POU6F2: variants seen among roughly 807,000 people sequenced by gnomAD.
POU6F2 encodes POU domain, class 6, transcription factor 2.
In POU6F2, 31 loss-of-function variants were observed where a neutral mutation model predicts 71.3. The ratio of observed to expected loss-of-function variants is 0.43; its 90% CI spans 0.33 to 0.59. POU6F2 has a LOEUF of 0.59. POU6F2 is among the 20% of genes least tolerant of loss of function. The probability of loss-of-function intolerance (pLI) is 0.04; values close to 1 mark genes in which losing one functional copy is unlikely to be tolerated. For missense variants in POU6F2, 783 were observed against 856.8 expected (o/e 0.91, Z 1.07); for synonymous variants, 347 against 355.7 (o/e 0.98, Z 0.27).
At chr7:39,280,916 CCAAA>C (rs1784551690) in intron 4 of POU6F2, among the ~76,000 whole-genome samples, 1 of 152,200 alleles carries the variant, frequency 6.6e-6, no homozygotes, top group African/African-American at 2.4e-5. Context: ...TAGCGAATTT[CCAAA>C]CAGTTATGAT....
intron 1 of POU6F2, among the ~76,000 whole-genome samples, chr7:38,982,206 T>TA (rs1011591910): frequency 2.0e-5 from 3 of 152,078 alleles, no homozygotes; most frequent in Non-Finnish European, 4.4e-5. Flanking sequence ...CATATACTCT[T>TA]AAAAAAAGTC....
intron 4 of POU6F2, among the ~76,000 whole-genome samples, chr7:39,324,703 A>G (rs1355114705): frequency 1.3e-5 from 2 of 152,198 alleles, no homozygotes; most frequent in Non-Finnish European, 2.9e-5. Flanking sequence ...GAAATCCATG[A>G]GACATTTGCA....
intron 5 of POU6F2, among the ~76,000 whole-genome samples, chr7:39,365,972 A>G (rs1786491966): frequency 6.6e-6 from 1 of 152,226 alleles, no homozygotes; most frequent in Non-Finnish European, 1.5e-5. Context: ...GCAGGCACAG[A>G]GCAGGTGCAA....
intron 7 of POU6F2, among the ~76,000 whole-genome samples, chr7:39,443,057 C>A (rs575675358): frequency 3.3e-5 from 5 of 152,322 alleles, no homozygotes; most frequent in African/African-American, 1.2e-4. Context: ...TCCATAGTCT[C>A]TCTCACAGGC....
At chr7:39,380,312 G>C (rs1287343004) in intron 5 of POU6F2, among the ~76,000 whole-genome samples, 1 of 152,170 alleles carries the variant, frequency 6.6e-6, no homozygotes, top group Non-Finnish European at 1.5e-5. Context: ...CTGAGAATGG[G>C]AATAATAGAA....
chr7:39,335,353 G>A (rs572078412), intron 4 of POU6F2, among the ~76,000 whole-genome samples: 3 of 152,322 alleles, frequency 2.0e-5, no homozygotes, highest in East Asian at 1.9e-4. Context: ...TTTGCCTGCA[G>A]TAGGACTGAG....
chr7:39,169,031 T>C (rs1328193524), intron 2 of POU6F2, among the ~76,000 whole-genome samples: 4 of 152,230 alleles, frequency 2.6e-5, no homozygotes, highest in African/African-American at 9.6e-5. Context: ...CAGTACATTA[T>C]TTTATGTTTA....
chr7:39,215,515 A>G (rs546965129), intron 4 of POU6F2, among the ~76,000 whole-genome samples: 1 of 152,302 alleles, frequency 6.6e-6, no homozygotes, highest in East Asian at 1.9e-4. Flanking sequence ...TTGATAAGAA[A>G]CAGACCTATT....
At chr7:39,458,588 G>A (rs1562560536) in intron 8 of POU6F2, among the ~76,000 whole-genome samples, 1 of 152,156 alleles carries the variant, frequency 6.6e-6, no homozygotes, top group Non-Finnish European at 1.5e-5. Flanking sequence ...CCAGAGCACA[G>A]CCTCCACTAG....
intron 1 of POU6F2, among the ~76,000 whole-genome samples, chr7:39,004,078 A>AAAATCTCTG (rs1788989733): frequency 6.6e-6 from 1 of 152,196 alleles, no homozygotes; most frequent in Admixed American, 6.5e-5. Context: ...GAATCAGAAT[A>AAAATCTCTG]AAATCTCTGA....
chr7:39,381,895 T>A (rs1462507580), intron 5 of POU6F2, among the ~76,000 whole-genome samples: 2 of 152,086 alleles, frequency 1.3e-5, no homozygotes, highest in Non-Finnish European at 2.9e-5. Flanking sequence ...CTTTAACAAA[T>A]CCCTTGAGCT....
intron 7 of POU6F2, among the ~76,000 whole-genome samples, chr7:39,433,785 CAATT>C (rs1788165911): frequency 6.6e-6 from 1 of 152,186 alleles, no homozygotes; most frequent in Non-Finnish European, 1.5e-5. Context: ...ATTCAAATAT[CAATT>C]GAGAGCTTCC....
chr7:38,982,873 T>C (rs1342091284), intron 1 of POU6F2, among the ~76,000 whole-genome samples: 1 of 152,128 alleles, frequency 6.6e-6, no homozygotes, highest in Non-Finnish European at 1.5e-5. Flanking sequence ...AAAAGAAAGT[T>C]TGCATGTAAT....
At chr7:39,143,537 T>C (rs775255154) in intron 2 of POU6F2, among the ~76,000 whole-genome samples, 11 of 152,204 alleles carry the variant, frequency 7.2e-5, no homozygotes, top group Non-Finnish European at 1.2e-4. Flanking sequence ...GATAGCAATG[T>C]TTACCCAAAC....
chr7:39,258,696 A>G (rs1784071861), intron 4 of POU6F2, among the ~76,000 whole-genome samples: 1 of 131,092 alleles, frequency 7.6e-6, no homozygotes, highest in African/African-American at 2.6e-5. Context: ...TTTACTCTAG[A>G]TGTTTAAAAA....
chr7:39,354,745 A>C lies in POU6F2; in HGVS notation c.972+14730A>C, dbSNP rs149021921. On this transcript the variant is annotated intron_variant, in intron 5 of 9. Transcript: ENST00000518318. The stretch of plus-strand genomic sequence containing the variant: ...TCTAGCCATTTCATTAGGAATTCTC[A>C]GAAGTTAGAATTTAGGAGGAATGTA... 9.5e-4 allele frequency among the ~76,000 whole-genome samples: 145 copies of C among 152,330 alleles called. 4 individuals are homozygous for C. The East Asian group carries it at 0.016, about 17-fold the overall frequency.
intron 4 of POU6F2, among the ~76,000 whole-genome samples, chr7:39,238,040 G>C (rs1160129769): frequency 6.6e-6 from 1 of 152,084 alleles, no homozygotes. Flanking sequence ...ACAGAAAAAA[G>C]CGCACATCCC....
intron 2 of POU6F2, among the ~76,000 whole-genome samples, chr7:39,162,155 C>T (rs1793010620): frequency 6.6e-6 from 1 of 151,908 alleles, no homozygotes; most frequent in Admixed American, 6.6e-5. Flanking sequence ...CACAGAGAGC[C>T]TAAGTGTATG....
At chr7:39,311,629 A>C (rs1161394292) in intron 4 of POU6F2, among the ~76,000 whole-genome samples, 1 of 152,250 alleles carries the variant, frequency 6.6e-6, no homozygotes, top group Non-Finnish European at 1.5e-5. Context: ...ACAGCATTAG[A>C]CCAGGCAGAA....
Sources: allele counts gnomAD v4.1 joint callset (sites outside exome capture counted in the v4.1 genomes callset), GRCh38; gene constraint gnomAD v4.1.1; transcripts MANE v1.5; gene names NCBI Gene and HGNC (gene_info 2026-07-23, HGNC 2026-07-21).